MPPED2: variants seen among roughly 807,000 people sequenced by gnomAD.
MPPED2 encodes metallophosphoesterase domain containing 2, also known as metallophosphoesterase MPPED2.
A neutral mutation model predicts 33.0 loss-of-function variants in MPPED2; 5 were observed. The observed-to-expected ratio is 0.15, with a 90% CI of 0.08 to 0.32. The LOEUF is 0.32. Among genes scored for constraint, MPPED2 ranks in the 10% least tolerant of loss-of-function variants. The pLI is 1.00. For synonymous variants in MPPED2, 136 were observed against 141.9 expected, an observed-to-expected ratio of 0.96 and a Z score of 0.29; for missense variants, 275 against 372.1, an observed-to-expected ratio of 0.74 and a Z score of 2.15.
chr11:30,536,641 C>G (rs752088384), intron 2 of MPPED2, among the ~76,000 whole-genome samples: 1 of 152,210 alleles, frequency 6.6e-6, no homozygotes, highest in Admixed American at 6.5e-5. Context: ...TCTGCACATG[C>G]TCTGCCAACT....
chr11:30,523,202 G>A (rs1366164128), intron 3 of MPPED2, among the ~76,000 whole-genome samples: 2 of 152,214 alleles, frequency 1.3e-5, no homozygotes, highest in African/African-American at 4.8e-5. Flanking sequence ...GACTGGAAGC[G>A]GAAATGACTC....
chr11:30,558,733 T>C (rs932591307), intron 2 of MPPED2, among the ~76,000 whole-genome samples: 1 of 151,890 alleles, frequency 6.6e-6, no homozygotes, highest in African/African-American at 2.4e-5. Context: ...TTCCTTCTTT[T>C]CTTCCTTCTT....
intron 4 of MPPED2, among the ~76,000 whole-genome samples, chr11:30,432,376 A>G (rs1473212038): frequency 6.6e-6 from 1 of 151,816 alleles, no homozygotes; most frequent in Non-Finnish European, 1.5e-5. Flanking sequence ...ACTCTGTTTT[A>G]TAAATAGAAC....
exon 7 of MPPED2, chr11:30,385,964 T>C (rs1947698154): frequency 6.6e-6 from 1 of 152,220 alleles, no homozygotes; most frequent in South Asian, 2.1e-4. Flanking sequence ...TAACTTATTT[T>C]CATTTTTTCT....
At chr11:30,534,242 G>T (rs999202966) in intron 3 of MPPED2, among the ~76,000 whole-genome samples, 1 of 152,076 alleles carries the variant, frequency 6.6e-6, no homozygotes, top group African/African-American at 2.4e-5. Flanking sequence ...CATTGTCAAC[G>T]CAGCTCGATA....
At chr11:30,540,241 C>A (rs958747129) in intron 2 of MPPED2, among the ~76,000 whole-genome samples, 3 of 152,174 alleles carry the variant, frequency 2.0e-5, no homozygotes, top group Admixed American at 6.5e-5. Context: ...CAGCATCTGA[C>A]ACACAACAAA....
intron 3 of MPPED2, among the ~76,000 whole-genome samples, chr11:30,514,407 G>A (rs1953405071): frequency 6.6e-6 from 1 of 152,036 alleles, no homozygotes; most frequent in African/African-American, 2.4e-5. Flanking sequence ...CAAACCTTTG[G>A]GACAAAGCCA....
chr11:30,494,737 C>CAAAAAAAAAAAAAAAAAAA (rs767500886), intron 4 of MPPED2, among the ~76,000 whole-genome samples: 3 of 47,624 alleles, frequency 6.3e-5, no homozygotes, highest in Non-Finnish European at 1.2e-4. Context: ...TACTCCACCT[C>CAAAAAAAAAAAAAAAAAAA]AAAAAAAAAA....
rs150970743 is a variant in MPPED2, at chr11:30,549,498, A to G, written c.129-13323T>C. On this transcript the variant is annotated intron_variant, in intron 2 of 6. Coordinates refer to ENST00000358117, the MANE Select transcript of MPPED2 (RefSeq NM_001584.3). ...AATGCTAAACTGTAAAAGGCCCACT[A>G]TCTATACATATGAGTTCTACAAAGT... is the stretch of plus-strand genomic sequence containing the variant. 7.9e-3 allele frequency among the ~76,000 whole-genome samples: 1,208 copies of G among 152,264 alleles called. 63 individuals are homozygous for G. The highest frequency in any genetic ancestry group is 0.072 in the Admixed American group (1,099 of 15,286).
At chr11:30,386,835 G>T (rs1361464531) in exon 7 of MPPED2, 2 of 398,396 alleles carry the variant, frequency 5.0e-6, no homozygotes, top group African/African-American at 2.1e-5. Context: ...ACACATAATA[G>T]CAATAGCAAA....
At chr11:30,439,125 G>A (rs1275207926) in intron 4 of MPPED2, among the ~76,000 whole-genome samples, 3 of 152,194 alleles carry the variant, frequency 2.0e-5, no homozygotes, top group African/African-American at 4.8e-5. Context: ...GTCTAGTTAC[G>A]AAGTTTCCTG....
downstream of MPPED2, among the ~76,000 whole-genome samples, chr11:30,407,152 G>T (rs1370846792): frequency 1.3e-5 from 2 of 152,164 alleles, no homozygotes; most frequent in Admixed American, 6.5e-5. Context: ...GCTTAAGGCT[G>T]GCCACCTGTC....
intron 4 of MPPED2, 176 bp downstream of exon 4, chr11:30,495,120 A>G (rs1952194145): frequency 1.6e-6 from 1 of 608,648 alleles, no homozygotes; most frequent in Non-Finnish European, 2.9e-6. Flanking sequence ...TCTCTATCAC[A>G]ATGAAAACAA....
At chr11:30,421,832 G>A (rs1948630001) in intron 4 of MPPED2, among the ~76,000 whole-genome samples, 1 of 152,180 alleles carries the variant, frequency 6.6e-6, no homozygotes, top group Non-Finnish European at 1.5e-5. Context: ...TCCAAGAGGT[G>A]CCATGGAATT....
chr11:30,425,778 A>T (rs1948811088), intron 4 of MPPED2, among the ~76,000 whole-genome samples: 1 of 152,206 alleles, frequency 6.6e-6, no homozygotes, highest in Non-Finnish European at 1.5e-5. Context: ...TGAACTTAGC[A>T]GCCCCCAGTG....
chr11:30,387,081 G>A (rs1344894708), exon 7 of MPPED2: 4 of 271,014 alleles, frequency 1.5e-5, no homozygotes, highest in African/African-American at 8.8e-5. Context: ...AGCACAGCTG[G>A]ATTTCAAAGC....
At chr11:30,415,737 C>T (rs1347115171) in intron 5 of MPPED2, among the ~76,000 whole-genome samples, 1 of 152,160 alleles carries the variant, frequency 6.6e-6, no homozygotes, top group Non-Finnish European at 1.5e-5. Flanking sequence ...TTAAGAGTTC[C>T]TGGGATGTCT....
Position 30,580,228 on chromosome 11 carries a change from T to G in MPPED2, c.128+18A>C. 6.2e-7 allele frequency: 1 copy of G among 1,610,752 alleles called. No homozygotes were observed. Among genetic ancestry groups the G allele is most frequent in the Non-Finnish European group, 8.5e-7 (1 of 1,178,628 alleles). ...TTTCTTGATTGCTAATTTTGTTAAG[T>G]TCATAAGCGATACTTACATATGTAC... is the stretch of plus-strand genomic sequence containing the variant. On this transcript the variant is annotated intron_variant, in intron 2 of 6. Coordinates refer to ENST00000358117, the MANE Select transcript of MPPED2 (RefSeq NM_001584.3).
At chr11:30,563,109 G>C (rs1956301949) in intron 2 of MPPED2, among the ~76,000 whole-genome samples, 1 of 152,030 alleles carries the variant, frequency 6.6e-6, no homozygotes, top group Non-Finnish European at 1.5e-5. Flanking sequence ...AATACTTATT[G>C]ATTTACTGTA....
Sources: allele counts gnomAD v4.1 joint callset (sites outside exome capture counted in the v4.1 genomes callset), GRCh38; gene constraint gnomAD v4.1.1; transcripts MANE v1.5; gene names NCBI Gene and HGNC (gene_info 2026-07-23, HGNC 2026-07-21).